MEGF6: variants seen among roughly 807,000 people sequenced by gnomAD.
The protein encoded by MEGF6 is multiple epidermal growth factor-like domains protein 6.
MEGF6 carries 184 observed loss-of-function variants against 207.1 expected under a neutral mutation model. That is an observed-to-expected ratio of 0.89 (90% CI 0.79 to 1.00). The LOEUF (loss-of-function observed/expected upper bound fraction) is 1.00. MEGF6 is among the 50% of genes least tolerant of loss of function. MEGF6 has a pLI of 0.00. For missense variants in MEGF6, 2,282 were observed against 2,202.9 expected, an observed-to-expected ratio of 1.04 and a Z score of -0.72; for synonymous variants, 1,038 against 910.0, an observed-to-expected ratio of 1.14 and a Z score of -2.53.
At position 3,499,713 on chromosome 1, in the gene MEGF6, C is replaced by T. The variant is rs777957558; in HGVS notation, c.2840G>A (p.Cys947Tyr). The T allele has an allele frequency of 5.2e-5, 84 of 1,604,180 alleles. No homozygotes were observed. The highest frequency in any genetic ancestry group is 6.4e-5 in the Non-Finnish European group (75 of 1,176,478). The part of the protein sequence containing the change: ...GWRGTFCEHA[C>Y]PAGFFGLDCR... ...GTCCAATCCAAAGAAGCCGGCCGGGCAGGCTGCAGACAGCGGGCAGTGATG... is the reference window on the plus strand; with the variant it reads ...GTCCAATCCAAAGAAGCCGGCCGGGTAGGCTGCAGACAGCGGGCAGTGATG... The change falls in exon 23 of 37, where the codon TGC becomes TAC. Residue 947 changes from cysteine (C) to tyrosine (Y), a missense_variant. Physicochemically the swap from Cys to Tyr is radical, Grantham distance 194. Transcript: ENST00000356575.
intron 35 of MEGF6, 78 bp downstream of exon 35, chr1:3,492,561 G>A: frequency 6.3e-7 from 1 of 1,577,104 alleles, no homozygotes. Flanking sequence ...GGGTGAGAGA[G>A]GGATCCTCTG....
chr1:3,514,189 A>G (rs1641453747), intron 7 of MEGF6, among the ~76,000 whole-genome samples: 1 of 151,734 alleles, frequency 6.6e-6, no homozygotes. Flanking sequence ...CGGAGCTTGC[A>G]GTGAGCTGAG....
At chr1:3,613,230 C>T (rs1193344571), upstream of MEGF6, among the ~76,000 whole-genome samples, 7 of 152,206 alleles carry the variant, frequency 4.6e-5, no homozygotes, top group Non-Finnish European at 8.8e-5. Context: ...TTCCCGGGAT[C>T]TCGGCTGCAG....
At position 3,514,076 on chromosome 1, in the gene MEGF6, A is replaced by G. The variant is rs1025106114; in HGVS notation, c.853+474T>C. On this transcript the variant is annotated intron_variant, in intron 7 of 36. Transcript: ENST00000356575. The stretch of plus-strand genomic sequence containing the variant: ...ATCCTGGCCAACATGGTGAAACCCC[A>G]TCTCTTCTAAAAATACGAAAAATTA... Among the ~76,000 whole-genome samples, 5 of 151,982 alleles carry G rather than the reference A, an allele frequency of 3.3e-5. No homozygotes were observed. The East Asian group carries it at 9.9e-4, about 30-fold the overall frequency.
intron 5 of MEGF6, among the ~76,000 whole-genome samples, chr1:3,521,591 G>A (rs949274018): frequency 2.0e-5 from 3 of 152,142 alleles, no homozygotes; most frequent in Admixed American, 6.5e-5. Context: ...AAACAAACAC[G>A]CCTGGCTTTG....
intron 4 of MEGF6, among the ~76,000 whole-genome samples, chr1:3,564,206 G>A (rs539168800): frequency 1.6e-4 from 23 of 147,934 alleles, no homozygotes; most frequent in Non-Finnish European, 3.3e-4. Context: ...TGAGTCGGGG[G>A]TGCAGAAGGG....
intron 4 of MEGF6, among the ~76,000 whole-genome samples, chr1:3,555,413 C>T (rs1259514486): frequency 6.6e-6 from 1 of 152,234 alleles, no homozygotes. Context: ...CTCTGGGCCT[C>T]CACCACCCAT....
chr1:3,579,952 G>A (rs775305380), intron 3 of MEGF6, 23 bp from the exon 4 acceptor site: 11 of 1,483,468 alleles, frequency 7.4e-6, no homozygotes, highest in South Asian at 2.7e-5. Flanking sequence ...GGAGAAAATC[G>A]GTGAGAGGGG....
intron 3 of MEGF6, among the ~76,000 whole-genome samples, chr1:3,588,807 G>A (rs1332071056): frequency 6.6e-6 from 1 of 151,888 alleles, no homozygotes; most frequent in Admixed American, 6.6e-5. Context: ...CTGACCCCCT[G>A]AACTGAGTGA....
intron 36 of MEGF6, 95 bp downstream of exon 36, chr1:3,490,817 C>T: frequency 6.9e-7 from 1 of 1,453,768 alleles, no homozygotes; most frequent in South Asian, 1.2e-5. Flanking sequence ...GCAGCTGCTG[C>T]CCTGTGGGGC....
chr1:3,534,831 C>T (rs1221751701), intron 4 of MEGF6, among the ~76,000 whole-genome samples: 1 of 152,144 alleles, frequency 6.6e-6, no homozygotes, highest in African/African-American at 2.4e-5. Context: ...CACCTCCATA[C>T]CCCCACCTCA....
intron 4 of MEGF6, among the ~76,000 whole-genome samples, chr1:3,547,794 T>C (rs975991170): frequency 6.6e-6 from 1 of 152,120 alleles, no homozygotes; most frequent in Admixed American, 6.5e-5. Flanking sequence ...TCTCCCGGGG[T>C]GCGCCTCTGC....
At position 3,498,543 on chromosome 1, in the gene MEGF6, T is replaced by A. The variant is rs1205519190; in HGVS notation, c.3224-44A>T. ...GCACGAGGGTGAGGGTCCTGCCTCC[T>A]GGGCCCAGGAGACCCTGACCCATGC... On this transcript the variant is annotated intron_variant, in intron 25 of 36. Coordinates refer to ENST00000356575, the MANE Select transcript of MEGF6 (RefSeq NM_001409.4). The A allele has an allele frequency of 2.0e-6, 3 of 1,522,144 alleles. No homozygotes were observed. In the African/African-American group the frequency reaches 4.1e-5, roughly 21 times the overall value. The allele number at this position is 1,522,144 out of a possible 1,614,324, so 94.3% of individuals were successfully genotyped here. A position where few individuals can be genotyped will look rare whatever the true frequency, so the allele number is the denominator to read the frequency against.
At chr1:3,536,057 G>A (rs1642318310) in intron 4 of MEGF6, among the ~76,000 whole-genome samples, 1 of 152,192 alleles carries the variant, frequency 6.6e-6, no homozygotes, top group African/African-American at 2.4e-5. Context: ...CCCTGGCTCT[G>A]GCCGTCCTCT....
intron 34 of MEGF6, chr1:3,493,557 G>A: frequency 1.5e-6 from 1 of 653,348 alleles, no homozygotes; most frequent in Non-Finnish European, 2.5e-6. Flanking sequence ...ACACGGCAGG[G>A]CCTGGCCTAA....
rs1641114646 is a variant in MEGF6, at chr1:3,506,267, G to A, written c.1790-31C>T. ...GGCAGCGGGGCTCCATGTGAACCTT[G>A]GTGGCAGCCAGCCTACCACATGTGG... On this transcript the variant is annotated intron_variant, in intron 14 of 36. Coordinates refer to ENST00000356575, the MANE Select transcript of MEGF6 (RefSeq NM_001409.4). 3 of 1,601,762 alleles carry A rather than the reference G, an allele frequency of 1.9e-6. No individual in the cohort carries two copies. The African/African-American group carries it at 4.0e-5, about 21-fold the overall frequency.
At chr1:3,492,057 G>A (rs2100817006) in intron 35 of MEGF6, among the ~76,000 whole-genome samples, 1 of 152,168 alleles carries the variant, frequency 6.6e-6, no homozygotes, top group Non-Finnish European at 1.5e-5. Flanking sequence ...ACAGGTGCCT[G>A]CTGCCTGTGC....
intron 1 of MEGF6, among the ~76,000 whole-genome samples, chr1:3,608,757 G>A (rs2794353): frequency 6.6e-6 from 1 of 152,234 alleles, no homozygotes; most frequent in South Asian, 2.1e-4. Context: ...ATCGGCCCCC[G>A]TCTCCCAGAC....
chr1:3,618,446 A>G, the MEGF6 span, among the ~76,000 whole-genome samples: 1 of 152,108 alleles, frequency 6.6e-6, no homozygotes, highest in African/African-American at 2.4e-5. The surrounding 1 kb of genome is among the most constrained non-coding windows in gnomAD (Gnocchi z 4.7). Flanking sequence ...GGCGAGGGGC[A>G]GGTGGGAAGC....
Sources: gnomAD v4.1 joint callset for allele counts (sites outside exome capture counted in the v4.1 genomes callset) on GRCh38, gnomAD v4.1.1 for gene constraint, Gnocchi (gnomAD v3.1) non-coding constraint, MANE v1.5 for transcripts, NCBI Gene and HGNC (gene_info 2026-07-23, HGNC 2026-07-21) for gene names.